S1PR3: variants seen among roughly 807,000 people sequenced by gnomAD.
The protein encoded by S1PR3 is sphingosine-1-phosphate receptor 3.
S1PR3 carries 12 observed loss-of-function variants against 13.3 expected under a neutral mutation model. That is an observed-to-expected ratio of 0.90 (90% CI 0.58 to 1.46). The LOEUF (loss-of-function observed/expected upper bound fraction) is 1.46, where lower values mean the gene tolerates loss of function less well. Among genes scored for constraint, S1PR3 ranks in the 40% most tolerant of loss-of-function variants. The pLI, the probability that S1PR3 is intolerant of heterozygous loss-of-function variation, is 0.00. For synonymous variants in S1PR3, 232 were observed against 214.0 expected, an observed-to-expected ratio of 1.08 and a Z score of -0.73; for missense variants, 450 against 501.9, an observed-to-expected ratio of 0.90 and a Z score of 0.99.
chr9:89,004,659 C>T lies in S1PR3; in HGVS notation c.*2322C>T, dbSNP rs1825912555. 6.0e-6 allele frequency: 1 copy of T among 167,084 alleles called. No homozygotes were observed. The highest frequency in any genetic ancestry group is 1.5e-5 in the Non-Finnish European group (1 of 68,116). The allele number at this position is 167,084 out of a possible 1,614,324, so 10.4% of individuals were successfully genotyped here. ...AGGGAGCCCACAGCCACCATTTCCA[C>T]TAGGAGGTATCAATATTTGTGGTAT... is the stretch of plus-strand genomic sequence containing the variant. On this transcript the variant is annotated 3_prime_UTR_variant, in exon 2 of 2. Coordinates refer to ENST00000358157, the MANE Select transcript of S1PR3 (RefSeq NM_005226.4).
chr9:88,991,236 G>C, upstream of S1PR3: 3 of 1,559,734 alleles, frequency 1.9e-6, no homozygotes, highest in Non-Finnish European at 2.6e-6. The surrounding 1 kb of genome is among the most constrained non-coding windows in gnomAD (Gnocchi z 4.0). Flanking sequence ...GGACCCTAGG[G>C]GATTGGTAGG....
At chr9:88,999,429 T>G (rs554713179) in intron 1 of S1PR3, 1 of 152,180 alleles carries the variant, frequency 6.6e-6, no homozygotes, top group Non-Finnish European at 1.5e-5. Context: ...CAGAAACCAT[T>G]TGGAGCCACC....
chr9:88,996,683 T>G (rs2118594123), intron 1 of S1PR3: 1 of 152,796 alleles, frequency 6.5e-6, no homozygotes, highest in Non-Finnish European at 1.5e-5. Context: ...CCCATCTTGT[T>G]GCTGGCCTGG....
rs1825707134 is a variant in S1PR3, at chr9:88,991,603, C to CA, written c.-239dup. ...GCTGAGACTGCCGGGCCTCCCAGCC[C>CA]ATCTGGCATTCGAGCGCAGGACCGG... On this transcript the variant is annotated 5_prime_UTR_variant, in exon 1 of 2. Coordinates refer to ENST00000358157, the MANE Select transcript of S1PR3 (RefSeq NM_005226.4). This position sits in a 1 kb window ranked among gnomAD's most constrained non-coding sequence, Gnocchi z 4.0. The CA allele has an allele frequency of 6.5e-7, 1 of 1,542,646 alleles. No homozygotes were observed.
At chr9:89,000,987 G>A (rs1825859010) in intron 1 of S1PR3, 67 bp from the exon 2 acceptor site, 1 of 587,192 alleles carries the variant, frequency 1.7e-6, no homozygotes, top group Non-Finnish European at 3.0e-6. Context: ...CTCCAACAGC[G>A]TTGCCGTGGC....
In S1PR3 at chr9:89,001,783, A is replaced by T; in HGVS notation, c.583A>T (p.Lys195Ter). Reference protein sequence around the residue: ...CSTILPLYSKKYIAFCISIFT... With the variant: ...CSTILPLYSK ...TACCATCCTGCCCCTCTACTCCAAG[A>T]AGTACATTGCCTTCTGCATCAGCAT... The change falls in exon 2 of 2, where the codon AAG (lysine) becomes TAG (stop). Residue 195 changes from lysine (K) to a stop codon, truncating the protein, a stop_gained. Transcript: ENST00000358157. LOFTEE classifies it high-confidence loss of function. The T allele has an allele frequency of 6.2e-7, 1 of 1,614,178 alleles. No homozygotes were observed. Among genetic ancestry groups the T allele is most frequent in the Non-Finnish European group, 8.5e-7 (1 of 1,180,038 alleles).
chr9:88,992,383 T>A, intron 1 of S1PR3: 2 of 212,352 alleles, frequency 9.4e-6, no homozygotes, highest in Non-Finnish European at 1.8e-5. Flanking sequence ...GAGGAACTTC[T>A]TGTTGGATTT....
At chr9:88,992,069 T>A (rs920148927) in intron 1 of S1PR3, 1 of 1,569,580 alleles carries the variant, frequency 6.4e-7, no homozygotes, top group East Asian at 2.2e-5. Context: ...GGAAAATCAT[T>A]CTTTTAAACA....
intron 1 of S1PR3, chr9:88,992,081 T>C: frequency 6.5e-7 from 1 of 1,544,540 alleles, no homozygotes; most frequent in African/African-American, 1.4e-5. Context: ...TTTTAAACAA[T>C]ATTCGCCGGA....
In S1PR3 at chr9:89,001,602, C is replaced by A. The variant is rs758220931; in HGVS notation, c.402C>A (p.Ile134=). 6.2e-7 allele frequency: 1 copy of A among 1,614,218 alleles called. No homozygotes were observed. Among genetic ancestry groups the A allele is most frequent in the Non-Finnish European group, 8.5e-7 (1 of 1,180,044 alleles). ...ASTCSLLAIA[I]ERHLTMIKMR... ...CCTGCAGCTTACTGGCCATCGCCAT[C>A]GAGCGGCACTTGACAATGATCAAAA... is the stretch of plus-strand genomic sequence containing the variant. Residue 134 remains isoleucine (I), a synonymous_variant, in exon 2 of 2, where the codon ATC becomes ATA. Coordinates refer to ENST00000358157, the MANE Select transcript of S1PR3 (RefSeq NM_005226.4).
In S1PR3 at chr9:89,001,640, A is replaced by T; in HGVS notation, c.440A>T (p.Asp147Val). The T allele has an allele frequency of 6.2e-7, 1 of 1,614,130 alleles. No homozygotes were observed. Among genetic ancestry groups the T allele is most frequent in the Non-Finnish European group, 8.5e-7 (1 of 1,180,034 alleles). Residue 147 changes from aspartate (D) to valine (V), a missense_variant, in exon 2 of 2, where the codon GAC becomes GTC. Physicochemically the swap from Asp to Val is radical, Grantham distance 152 (BLOSUM62 -3). Transcript: ENST00000358157. Reference protein sequence around the residue: ...HLTMIKMRPYDANKRHRVFLL... With the variant: ...HLTMIKMRPYVANKRHRVFLL... The stretch of plus-strand genomic sequence containing the variant: ...ACAATGATCAAAATGAGGCCTTACG[A>T]CGCCAACAAGAGGCACCGCGTCTTC...
intron 1 of S1PR3, chr9:88,992,021 G>A (rs756620794): frequency 6.2e-7 from 1 of 1,613,632 alleles, no homozygotes; most frequent in Non-Finnish European, 8.5e-7. Flanking sequence ...AGGGCCTGGG[G>A]ATGCTGGACG....
upstream of S1PR3, chr9:88,991,338 T>A: frequency 2.7e-6 from 3 of 1,111,616 alleles, no homozygotes; most frequent in Non-Finnish European, 3.5e-6. This position sits in a 1 kb window ranked among gnomAD's most constrained non-coding sequence, Gnocchi z 4.0. Context: ...GAGTGCCGGG[T>A]TCGCGGGCGG....
At chr9:88,998,581 T>C (rs1825833441) in intron 1 of S1PR3, 1 of 152,256 alleles carries the variant, frequency 6.6e-6, no homozygotes, top group South Asian at 2.1e-4. Context: ...ACTGTGAACT[T>C]ACCCATGGTG....
intron 1 of S1PR3, chr9:88,995,805 G>A (rs1225096782): frequency 6.0e-6 from 1 of 167,122 alleles, no homozygotes; most frequent in Non-Finnish European, 1.5e-5. Context: ...TCAGGGAGAT[G>A]TGTTAGTGTA....
At chr9:88,992,168 A>G (rs1197387711) in intron 1 of S1PR3, 2 of 773,100 alleles carry the variant, frequency 2.6e-6, no homozygotes, top group African/African-American at 3.5e-5. Context: ...CGAAGTCCCC[A>G]CAGTGCAATA....
At chr9:88,991,178 G>T, upstream of S1PR3, 1 of 1,603,500 alleles carries the variant, frequency 6.2e-7, no homozygotes, top group Non-Finnish European at 8.5e-7. This position sits in a 1 kb window ranked among gnomAD's most constrained non-coding sequence, Gnocchi z 4.0. Flanking sequence ...CGCCCGATGA[G>T]GACAAGGTCT....
At chr9:88,990,917 GAAGCCCA>G (rs1825681186), upstream of S1PR3, 1 of 1,573,810 alleles carries the variant, frequency 6.4e-7, no homozygotes, top group East Asian at 2.3e-5. Context: ...GGAAAAGGAA[GAAGCCCA>G]AACAAAAACG....
chr9:89,001,024 TG>T, intron 1 of S1PR3, 29 bp from the exon 2 acceptor site: 1 of 686,856 alleles, frequency 1.5e-6, no homozygotes, highest in South Asian at 1.9e-5. Context: ...GTTTTATCAA[TG>T]GTCGCTCCCT....
Sources: gnomAD v4.1 joint callset for allele counts on GRCh38, gnomAD v4.1.1 for gene constraint, Gnocchi (gnomAD v3.1) non-coding constraint, MANE v1.5 for transcripts, NCBI Gene and HGNC (gene_info 2026-07-23, HGNC 2026-07-21) for gene names.